Variants in RBM19 observed in about 807,000 individuals in gnomAD.
RBM19 encodes RNA binding motif protein 19.
In RBM19, 94 loss-of-function variants were observed where a neutral mutation model predicts 116.8. The observed-to-expected ratio is 0.80, with a 90% CI of 0.68 to 0.95. The LOEUF (loss-of-function observed/expected upper bound fraction) is 0.95. Ranked by LOEUF, RBM19 falls within the 40% of genes least tolerant of loss-of-function variation. The pLI is 0.00. For missense variants in RBM19, 1,161 were observed against 1,220.7 expected, an observed-to-expected ratio of 0.95 and a Z score of 0.73; for synonymous variants, 475 against 494.1, an observed-to-expected ratio of 0.96 and a Z score of 0.51.
intron 2 of RBM19, 137 bp from the exon 3 acceptor site, chr12:113,960,315 A>G: frequency 1.8e-6 from 2 of 1,118,366 alleles, no homozygotes; most frequent in South Asian, 3.0e-5. Flanking sequence ...ATTACACGTC[A>G]CCCCTTAGCC....
At chr12:113,862,325 T>C (rs1233252987) in intron 21 of RBM19, among the ~76,000 whole-genome samples, 1 of 152,124 alleles carries the variant, frequency 6.6e-6, no homozygotes, top group Non-Finnish European at 1.5e-5. Flanking sequence ...ATCTTTCTCA[T>C]CCGGGCTGCT....
At chr12:113,855,068 T>G (rs1231055923) in intron 22 of RBM19, among the ~76,000 whole-genome samples, 1 of 152,202 alleles carries the variant, frequency 6.6e-6, no homozygotes, top group East Asian at 1.9e-4. Flanking sequence ...AAGGGCTTGA[T>G]AGATATCACA....
intron 22 of RBM19, among the ~76,000 whole-genome samples, chr12:113,850,745 C>G (rs534482169): frequency 6.6e-6 from 1 of 152,232 alleles, no homozygotes; most frequent in Non-Finnish European, 1.5e-5. Flanking sequence ...GTCTTTAGAA[C>G]TCTAAGGCAT....
At chr12:113,920,526 T>C in intron 19 of RBM19, 85 bp downstream of exon 19, 1 of 1,217,632 alleles carries the variant, frequency 8.2e-7, no homozygotes, top group Non-Finnish European at 1.2e-6. Context: ...TCATACATAT[T>C]CTCACTCAAT....
intron 22 of RBM19, among the ~76,000 whole-genome samples, chr12:113,847,477 C>T (rs879786025): frequency 7.2e-5 from 11 of 152,012 alleles, no homozygotes; most frequent in Non-Finnish European, 1.6e-4. Flanking sequence ...CACACGCGTT[C>T]TCAGCTGGCG....
intron 21 of RBM19, among the ~76,000 whole-genome samples, chr12:113,878,642 C>CACACAT (rs1879844389): frequency 1.4e-5 from 2 of 141,416 alleles, no homozygotes; most frequent in Non-Finnish European, 3.0e-5. Context: ...GACACACACA[C>CACACAT]ACACACACAC....
At chr12:113,964,609 C>T (rs1039008501) in intron 1 of RBM19, among the ~76,000 whole-genome samples, 1 of 152,150 alleles carries the variant, frequency 6.6e-6, no homozygotes, top group Admixed American at 6.5e-5. Context: ...TTTAAGTATA[C>T]TACTCAGAGA....
intron 21 of RBM19, among the ~76,000 whole-genome samples, chr12:113,875,232 T>C (rs1002565952): frequency 6.6e-6 from 1 of 152,208 alleles, no homozygotes; most frequent in African/African-American, 2.4e-5. Context: ...GGGACAAATA[T>C]TATTTTTAAA....
intron 22 of RBM19, among the ~76,000 whole-genome samples, chr12:113,850,945 G>A (rs1877398661): frequency 6.6e-6 from 1 of 152,182 alleles, no homozygotes; most frequent in Non-Finnish European, 1.5e-5. Flanking sequence ...AAAAATTGAG[G>A]CCAAGGACTT....
intron 21 of RBM19, among the ~76,000 whole-genome samples, chr12:113,910,038 C>G (rs1342938948): frequency 6.6e-6 from 1 of 152,176 alleles, no homozygotes; most frequent in Non-Finnish European, 1.5e-5. Context: ...CCAGAACTGA[C>G]TCTTCACCAT....
At position 113,903,294 on chromosome 12, in the gene RBM19, G is replaced by A. The variant is rs944643541; in HGVS notation, c.2558+11675C>T. On this transcript the variant is annotated intron_variant, in intron 21 of 23. Coordinates refer to ENST00000261741, the MANE Select transcript of RBM19 (RefSeq NM_016196.4). The surrounding 1 kb of genome is among the most constrained non-coding windows in gnomAD (Gnocchi z 5.1). ...AGAATCATAGGATACGTGGCCTTTC[G>A]TGTCTGGCTTCTTTCACTCAGCATC... Among the ~76,000 whole-genome samples, 57 of 152,200 alleles carry A rather than the reference G, an allele frequency of 3.7e-4. No individual in the cohort carries two copies. The highest frequency in any genetic ancestry group is 1.3e-3 in the African/African-American group (55 of 41,452).
chr12:113,866,339 T>C (rs930143776), intron 21 of RBM19, among the ~76,000 whole-genome samples: 3 of 152,190 alleles, frequency 2.0e-5, no homozygotes, highest in Admixed American at 2.0e-4. Flanking sequence ...GGAGGGCCTT[T>C]AGCTTTTCTC....
At chr12:113,911,286 G>T (rs1420561492) in intron 21 of RBM19, among the ~76,000 whole-genome samples, 1 of 152,168 alleles carries the variant, frequency 6.6e-6, no homozygotes, top group Non-Finnish European at 1.5e-5. Context: ...GGCTCAGCCT[G>T]TCCCTCAAGG....
At chr12:113,893,926 A>T (rs552035128) in intron 21 of RBM19, among the ~76,000 whole-genome samples, 1 of 152,336 alleles carries the variant, frequency 6.6e-6, no homozygotes, top group East Asian at 1.9e-4. Context: ...ATTGCGGCAG[A>T]AAGTTCTAAT....
chr12:113,958,110 A>T, intron 5 of RBM19, 60 bp from the exon 6 acceptor site: 2 of 1,545,488 alleles, frequency 1.3e-6, no homozygotes, highest in South Asian at 2.5e-5. Flanking sequence ...GGTCAGAGGT[A>T]GCAAATGGTA....
intron 6 of RBM19, 127 bp from the exon 7 acceptor site, chr12:113,955,338 G>T (rs1389161631): frequency 1.1e-6 from 1 of 896,962 alleles, no homozygotes; most frequent in Non-Finnish European, 1.8e-6. Context: ...GGGAATGCTG[G>T]GAAGAATCAA....
intron 21 of RBM19, among the ~76,000 whole-genome samples, chr12:113,865,052 T>C (rs1482768947): frequency 6.6e-6 from 1 of 152,172 alleles, no homozygotes; most frequent in Non-Finnish European, 1.5e-5. Context: ...TCTCTAATGG[T>C]TTTTGCATCC....
chr12:113,861,016 A>C (rs1237337969), intron 21 of RBM19, among the ~76,000 whole-genome samples: 3 of 152,370 alleles, frequency 2.0e-5, no homozygotes, highest in Admixed American at 6.5e-5. Flanking sequence ...ACAAATGTGA[A>C]CTATTGTTAG....
At chr12:113,845,976 G>A (rs1876931067) in intron 22 of RBM19, among the ~76,000 whole-genome samples, 1 of 152,198 alleles carries the variant, frequency 6.6e-6, no homozygotes, top group Non-Finnish European at 1.5e-5. Flanking sequence ...AAGGGTTCTA[G>A]GGACAAAAAT....
Sources: gnomAD v4.1 joint callset for allele counts (sites outside exome capture counted in the v4.1 genomes callset) on GRCh38, gnomAD v4.1.1 for gene constraint, Gnocchi (gnomAD v3.1) non-coding constraint, MANE v1.5 for transcripts, NCBI Gene and HGNC (gene_info 2026-07-23, HGNC 2026-07-21) for gene names.